The following GNB5 variants were observed in gnomAD, a reference collection of about 807,000 sequenced individuals.
GNB5 encodes the protein guanine nucleotide-binding protein subunit beta-5.
In GNB5, 37 loss-of-function variants were observed where a neutral mutation model predicts 55.3. That is an observed-to-expected ratio of 0.67 (90% confidence interval 0.51 to 0.88). GNB5 has a LOEUF of 0.88. GNB5 is among the 40% of genes least tolerant of loss of function. The probability of loss-of-function intolerance (pLI) is 0.00; values close to 1 mark genes in which losing one functional copy is unlikely to be tolerated. For synonymous variants in GNB5, 219 were observed against 198.5 expected (o/e 1.10, Z -0.87); for missense variants, 476 against 515.3 (o/e 0.92, Z 0.74).
chr15:52,173,287 C>A (rs55678152), intron 3 of GNB5, among the ~76,000 whole-genome samples: 2,707 of 152,286 alleles, frequency 0.018, 78 homozygotes, highest in African/African-American at 0.063. Flanking sequence ...GCTGCCCAGG[C>A]TGGTCTTGAT....
At chr15:52,164,737 T>C (rs753272878) in intron 3 of GNB5, among the ~76,000 whole-genome samples, 3 of 152,030 alleles carry the variant, frequency 2.0e-5, no homozygotes, top group African/African-American at 7.2e-5. Flanking sequence ...TTAAGATAGA[T>C]AAGCCCACCA....
At chr15:52,132,076 C>T (rs1233006305) in intron 9 of GNB5, among the ~76,000 whole-genome samples, 3 of 152,182 alleles carry the variant, frequency 2.0e-5, no homozygotes, top group African/African-American at 7.2e-5. Context: ...ATGTGGGTTC[C>T]CTAAGCTCAG....
At chr15:52,153,357 C>T (rs998552724) in intron 4 of GNB5, among the ~76,000 whole-genome samples, 1 of 152,228 alleles carries the variant, frequency 6.6e-6, no homozygotes, top group African/African-American at 2.4e-5. Flanking sequence ...AACATCTTCA[C>T]ACAACCTCAC....
chr15:52,138,700 A>G (rs765485349), intron 7 of GNB5: 1 of 152,116 alleles, frequency 6.6e-6, no homozygotes, highest in Non-Finnish European at 1.5e-5. Flanking sequence ...TCCTAATAAC[A>G]CTTGCAGTAA....
chr15:52,189,860 C>T (rs1462749588), intron 1 of GNB5, among the ~76,000 whole-genome samples: 1 of 152,058 alleles, frequency 6.6e-6, no homozygotes, highest in Non-Finnish European at 1.5e-5. Flanking sequence ...TGTACAGGAT[C>T]AGCAAATCCA....
rs2033264451 is a variant in GNB5, at chr15:52,121,454, C to T, written c.*1303G>A. On this transcript the variant is annotated 3_prime_UTR_variant, in exon 13 of 13. Transcript: ENST00000261837. ...AAAGAAGGGATCCTATAACAAAAAG[C>T]ACTTCCTTCTTCTAGAAGGAATTCT... The T allele has an allele frequency of 6.6e-6, 1 of 152,108 alleles. No homozygotes were observed. Among genetic ancestry groups the T allele is most frequent in the Non-Finnish European group, 1.5e-5 (1 of 68,008 alleles). The allele number at this position is 152,108 out of a possible 1,614,324, so 9.4% of individuals were successfully genotyped here.
At chr15:52,182,624 T>A (rs2034788275) in intron 2 of GNB5, among the ~76,000 whole-genome samples, 1 of 152,100 alleles carries the variant, frequency 6.6e-6, no homozygotes, top group African/African-American at 2.4e-5. Context: ...TCCACAGTGG[T>A]TGAGATAAAG....
chr15:52,167,648 G>A (rs532197382), intron 3 of GNB5, among the ~76,000 whole-genome samples: 12 of 151,114 alleles, frequency 7.9e-5, no homozygotes, highest in Admixed American at 5.3e-4. Context: ...TCCAGACTGG[G>A]CAACAGGAGC....
chr15:52,158,981 T>G (rs771339183), intron 3 of GNB5, among the ~76,000 whole-genome samples: 1 of 152,024 alleles, frequency 6.6e-6, no homozygotes, highest in Non-Finnish European at 1.5e-5. Flanking sequence ...ACTGGGTCTT[T>G]TGGGGTGGTA....
At chr15:52,124,707 T>C in intron 11 of GNB5, 68 bp from the exon 12 acceptor site, 1 of 1,332,788 alleles carries the variant, frequency 7.5e-7, no homozygotes, top group South Asian at 1.3e-5. Context: ...TACATGACTG[T>C]TACTCACTCA....
At chr15:52,137,044 G>GC (rs2033742028) in intron 7 of GNB5, 1 of 456,214 alleles carries the variant, frequency 2.2e-6, no homozygotes, top group South Asian at 1.6e-5. Flanking sequence ...CCAATCCAAA[G>GC]CTAAAACGGC....
chr15:52,158,558 C>G (rs1201646129), intron 3 of GNB5, among the ~76,000 whole-genome samples: 1 of 152,142 alleles, frequency 6.6e-6, no homozygotes, highest in Admixed American at 6.5e-5. Flanking sequence ...AAGCAACTCA[C>G]CAATTTAACA....
intron 4 of GNB5, among the ~76,000 whole-genome samples, 178 bp from the exon 5 acceptor site, chr15:52,150,103 G>A (rs2141211082): frequency 6.6e-6 from 1 of 152,178 alleles, no homozygotes; most frequent in Middle Eastern, 3.4e-3. Flanking sequence ...GTGCAGGAGG[G>A]GCTGGATGTT....
rs189143443 is a variant in GNB5 at position 52,157,178 on chromosome 15, C to T, written c.239-3102G>A. On this transcript the variant is annotated intron_variant, in intron 3 of 12. Transcript: ENST00000261837. ...GTCTCAATCTTCTGACCTTGTGATC[C>T]GCCAGCCTCGGCCTCCCAAAGTGCT... is the stretch of plus-strand genomic sequence containing the variant. Among the ~76,000 whole-genome samples the T allele has an allele frequency of 2.0e-4, 31 of 151,622 alleles. No individual in the cohort carries two copies. The East Asian group carries it at 3.3e-3, about 16-fold the overall frequency.
chr15:52,164,222 C>T (rs186009569), intron 3 of GNB5, among the ~76,000 whole-genome samples: 1 of 148,676 alleles, frequency 6.7e-6, no homozygotes, highest in African/African-American at 2.5e-5. Flanking sequence ...GCAGGAGAAT[C>T]GCTTGAACCT....
Position 52,121,274 on chromosome 15 carries a change from G to C in GNB5, c.*1483C>G, listed in dbSNP as rs953197872. The C allele has an allele frequency of 2.0e-5, 3 of 152,324 alleles. No homozygotes were observed. The highest frequency in any genetic ancestry group is 3.2e-3 in the Middle Eastern group (1 of 316). 9.4% of individuals were successfully genotyped at this position (152,324 alleles called of 1,614,324 possible). On this transcript the variant is annotated 3_prime_UTR_variant, in exon 13 of 13. Coordinates refer to ENST00000261837, the MANE Select transcript of GNB5 (RefSeq NM_016194.4). Reference sequence around the variant, plus strand: ...CAGGTGCAGCCAGAACCTGCCGGCAGACCCCAGGCCACCGACGAGGCAGGC... The same window carrying C: ...CAGGTGCAGCCAGAACCTGCCGGCACACCCCAGGCCACCGACGAGGCAGGC...
At chr15:52,189,584 CAAAA>C (rs199854730) in intron 1 of GNB5, among the ~76,000 whole-genome samples, 10 of 149,046 alleles carry the variant, frequency 6.7e-5, no homozygotes, top group Non-Finnish European at 1.0e-4. Flanking sequence ...CGTCTCAGAA[CAAAA>C]AAAAAGAAAA....
At chr15:52,173,979 T>C (rs1325508834) in intron 3 of GNB5, among the ~76,000 whole-genome samples, 1 of 152,200 alleles carries the variant, frequency 6.6e-6, no homozygotes, top group Non-Finnish European at 1.5e-5. Flanking sequence ...AAAAGGGACT[T>C]TCTAGATGTG....
At chr15:52,185,286 G>C (rs1041491383) in intron 1 of GNB5, among the ~76,000 whole-genome samples, 1 of 152,246 alleles carries the variant, frequency 6.6e-6, no homozygotes, top group African/African-American at 2.4e-5. Context: ...TGGTTACAGG[G>C]ACAGGCTCTG....
Sources: allele counts gnomAD v4.1 joint callset (sites outside exome capture counted in the v4.1 genomes callset), GRCh38; gene constraint gnomAD v4.1.1; transcripts MANE v1.5; gene names NCBI Gene and HGNC (gene_info 2026-07-23, HGNC 2026-07-21).